Variants in TERB1 observed in about 807,000 individuals in gnomAD.
TERB1 encodes the protein telomere repeats-binding bouquet formation protein 1.
Under a neutral mutation model 92.3 loss-of-function variants are expected in TERB1, and 63 were observed. That is an observed-to-expected ratio of 0.68 (90% CI 0.56 to 0.84). The LOEUF (loss-of-function observed/expected upper bound fraction) is 0.84. Ranked by LOEUF, TERB1 falls within the 40% of genes least tolerant of loss-of-function variation. The probability of loss-of-function intolerance (pLI) is 0.00; values close to 1 mark genes in which losing one functional copy is unlikely to be tolerated. For missense variants in TERB1, 709 were observed against 843.7 expected (o/e 0.84, Z 1.98); for synonymous variants, 252 against 283.9 (o/e 0.89, Z 1.13).
chr16:66,787,238 A>G (rs1429867980), intron 6 of TERB1, among the ~76,000 whole-genome samples: 1 of 151,580 alleles, frequency 6.6e-6, no homozygotes, highest in Non-Finnish European at 1.5e-5. Flanking sequence ...AGCTGGTAGT[A>G]CAGGTGTGTG....
rs1452618346 is a variant in TERB1 at position 66,772,580 on chromosome 16, G to A, written c.1272+9C>T. On this transcript the variant is annotated intron_variant, in intron 13 of 18. Coordinates refer to ENST00000433154, the MANE Select transcript of TERB1 (RefSeq NM_001136505.2). ...AAAGTTCTATATTCTTTAAAACAAA[G>A]AATCCAACCTCATTTCCTTCTCTTT... The A allele has an allele frequency of 9.8e-6, 15 of 1,535,958 alleles. No individual in the cohort carries two copies. Among genetic ancestry groups the A allele is most frequent in the South Asian group, 1.3e-5 (1 of 79,724 alleles).
chr16:66,755,753 C>T lies in TERB1; in HGVS notation c.1997-590G>A, dbSNP rs539440197. Among the ~76,000 whole-genome samples, 31 of 151,694 alleles carry T rather than the reference C, an allele frequency of 2.0e-4. No homozygotes were observed. In the South Asian group the frequency reaches 5.2e-3, roughly 26 times the overall value. On this transcript the variant is annotated intron_variant, in intron 18 of 18. Coordinates refer to ENST00000433154, the MANE Select transcript of TERB1 (RefSeq NM_001136505.2). ...GCACACCACTGCACTCCAGCCTGGG[C>T]GACAGAGCAAGACTCTGTCTCAAAA... is the stretch of plus-strand genomic sequence containing the variant.
rs1220896016 is a variant in TERB1, at chr16:66,763,943, GA to G, written c.1780+3471del. 5.3e-4 allele frequency among the ~76,000 whole-genome samples: 80 copies of G among 152,256 alleles called. 1 individual carries two copies. The highest frequency in any genetic ancestry group is 1.0e-3 in the Admixed American group (16 of 15,286). On this transcript the variant is annotated intron_variant, in intron 16 of 18. Transcript: ENST00000433154. The stretch of plus-strand genomic sequence containing the variant: ...AAGATGTGCAAAACCACTGAAGTGT[GA>G]AAAAGCATAGTATTCAGAGCATCAT...
chr16:66,778,124 T>C (rs905739237), intron 10 of TERB1, among the ~76,000 whole-genome samples: 2 of 152,222 alleles, frequency 1.3e-5, no homozygotes, highest in African/African-American at 2.4e-5. Flanking sequence ...TGAGTTCAAG[T>C]CTGGTTCTGC....
chr16:66,770,469 TTCA>T (rs567375022), intron 13 of TERB1, among the ~76,000 whole-genome samples, 160 bp from the exon 14 acceptor site: 258 of 152,316 alleles, frequency 1.7e-3, no homozygotes, highest in Non-Finnish European at 3.1e-3. Context: ...AGGGAGTTTA[TTCA>T]TTAAACAATA....
Position 66,759,303 on chromosome 16 carries a change from A to G in TERB1, c.1781-13T>C. ...ACTGCTATGCAACCTAAAAGAAAAC[A>G]AATTAAAGTTATGTGTAGATGTCAC... On this transcript the variant is annotated splice_polypyrimidine_tract_variant and intron_variant, in intron 16 of 18. Transcript: ENST00000433154. 1 of 1,523,094 alleles carries G rather than the reference A, an allele frequency of 6.6e-7. No individual in the cohort carries two copies. The highest frequency in any genetic ancestry group is 8.8e-7 in the Non-Finnish European group (1 of 1,137,712). The allele number at this position is 1,523,094 out of a possible 1,614,324, so 94.3% of individuals were successfully genotyped here.
intron 16 of TERB1, among the ~76,000 whole-genome samples, chr16:66,760,043 G>C (rs767078794): frequency 1.4e-4 from 17 of 124,466 alleles, no homozygotes; most frequent in Non-Finnish European, 2.4e-4. Context: ...TGAGGCAGGA[G>C]AATCGCTTGA....
chr16:66,777,090 T>C (rs2018560864), intron 11 of TERB1, 113 bp downstream of exon 11: 2 of 994,556 alleles, frequency 2.0e-6, no homozygotes, highest in Non-Finnish European at 2.8e-6. Context: ...TCTGAATGAC[T>C]AGGAGAAAAG....
chr16:66,768,459 A>G lies in TERB1; in HGVS notation c.1620-291T>C, dbSNP rs181665718. Among the ~76,000 whole-genome samples the G allele has an allele frequency of 1.7e-3, 263 of 152,338 alleles. 2 individuals are homozygous for G. The Middle Eastern group carries it at 0.051, about 30-fold the overall frequency. On this transcript the variant is annotated intron_variant, in intron 14 of 18. Transcript: ENST00000433154. ...GGAAGTAGGAGAGATGAAGGCAAAA[A>G]GGAGAGAACAAAATCAGTGGGAGCA...
intron 16 of TERB1, among the ~76,000 whole-genome samples, chr16:66,760,792 A>AG (rs746118621): frequency 5.9e-5 from 2 of 34,154 alleles, no homozygotes; most frequent in East Asian, 1.6e-3. Flanking sequence ...TCAAAAAAAA[A>AG]AAAAAAAAAG....
intron 9 of TERB1, among the ~76,000 whole-genome samples, 165 bp downstream of exon 9, chr16:66,785,621 C>A (rs961142698): frequency 1.3e-5 from 2 of 152,168 alleles, no homozygotes; most frequent in Non-Finnish European, 2.9e-5. Flanking sequence ...CAATATCCTT[C>A]TAAAAATATC....
chr16:66,771,239 A>G (rs1306586781), intron 13 of TERB1, among the ~76,000 whole-genome samples: 5 of 152,312 alleles, frequency 3.3e-5, no homozygotes, highest in Non-Finnish European at 7.3e-5. Context: ...TAAGATAAAT[A>G]AATATTAAAG....
At chr16:66,786,795 T>C (rs2018735594) in intron 6 of TERB1, among the ~76,000 whole-genome samples, 1 of 152,154 alleles carries the variant, frequency 6.6e-6, no homozygotes, top group African/African-American at 2.4e-5. Flanking sequence ...GACCAGCCAC[T>C]GCTAGCAGAA....
At chr16:66,767,116 G>A (rs1237367622) in intron 16 of TERB1, among the ~76,000 whole-genome samples, 1 of 151,410 alleles carries the variant, frequency 6.6e-6, no homozygotes, top group African/African-American at 2.4e-5. Context: ...ATCATTTGAG[G>A]TCAGGAGTTC....
chr16:66,794,511 C>A (rs942394311), intron 3 of TERB1, among the ~76,000 whole-genome samples: 7 of 152,178 alleles, frequency 4.6e-5, no homozygotes, highest in Non-Finnish European at 1.0e-4. Flanking sequence ...CCTGACATAA[C>A]AACTATCATG....
chr16:66,758,456 T>A (rs186098169), intron 18 of TERB1: 213 of 219,028 alleles, frequency 9.7e-4, no homozygotes, highest in African/African-American at 4.9e-3. Context: ...ATTAAATATA[T>A]TCAGCCAGGT....
chr16:66,796,197 G>T (rs778595536), intron 3 of TERB1, among the ~76,000 whole-genome samples: 22 of 152,148 alleles, frequency 1.4e-4, no homozygotes, highest in Non-Finnish European at 2.8e-4. Flanking sequence ...CATCCTAAAT[G>T]CAAAACGCAG....
At chr16:66,765,919 C>T (rs1417345710) in intron 16 of TERB1, among the ~76,000 whole-genome samples, 3 of 124,824 alleles carry the variant, frequency 2.4e-5, no homozygotes, top group Non-Finnish European at 4.7e-5. Flanking sequence ...GGCCGGACTG[C>T]GGACTGCAGT....
chr16:66,783,241 T>C (rs1406425481), intron 9 of TERB1, among the ~76,000 whole-genome samples: 4 of 152,220 alleles, frequency 2.6e-5, no homozygotes, highest in Non-Finnish European at 4.4e-5. Context: ...AGGTCGTTTA[T>C]CACATTAAGG....
Sources: gnomAD v4.1 joint callset for allele counts (sites outside exome capture counted in the v4.1 genomes callset) on GRCh38, gnomAD v4.1.1 for gene constraint, MANE v1.5 for transcripts, NCBI Gene and HGNC (gene_info 2026-07-23, HGNC 2026-07-21) for gene names.